RBFOX1: variants seen among roughly 807,000 people sequenced by gnomAD.
RBFOX1 encodes RNA binding fox-1 homolog 1.
RBFOX1 carries 8 observed loss-of-function variants against 57.7 expected under a neutral mutation model. The ratio of observed to expected loss-of-function variants is 0.14; its 90% CI spans 0.08 to 0.25. The LOEUF (loss-of-function observed/expected upper bound fraction) is 0.25, where lower values mean the gene tolerates loss of function less well. Ranked by LOEUF, RBFOX1 falls within the 10% of genes least tolerant of loss-of-function variation. RBFOX1 has a pLI of 1.00. For synonymous variants in RBFOX1, 326 were observed against 222.4 expected (o/e 1.47, Z -4.15); for missense variants, 611 against 548.5 (o/e 1.11, Z -1.14).
At chr16:7,196,975 C>T (rs942351939) in intron 4 of RBFOX1, among the ~76,000 whole-genome samples, 4 of 152,146 alleles carry the variant, frequency 2.6e-5, no homozygotes, top group African/African-American at 4.8e-5. Context: ...AATCTTTGCA[C>T]GCAAGTCTGG....
chr16:6,568,421 G>C (rs578070588), intron 2 of RBFOX1, among the ~76,000 whole-genome samples: 21 of 152,282 alleles, frequency 1.4e-4, no homozygotes, highest in African/African-American at 4.8e-4. Flanking sequence ...TGAGTTATGA[G>C]ACAGAGAAAG....
At chr16:5,500,171 G>C (rs2043141675) in intron 2 of RBFOX1, among the ~76,000 whole-genome samples, 4 of 88,642 alleles carry the variant, frequency 4.5e-5, no homozygotes, top group African/African-American at 1.1e-4. Flanking sequence ...CCCACTCCCT[G>C]CCTCCCTCCC....
chr16:5,528,222 C>T (rs1156346168), intron 2 of RBFOX1, among the ~76,000 whole-genome samples: 1 of 152,104 alleles, frequency 6.6e-6, no homozygotes, highest in East Asian at 1.9e-4. Flanking sequence ...TCCACAGAGG[C>T]ATTCCTTTGT....
intron 4 of RBFOX1, among the ~76,000 whole-genome samples, chr16:5,984,311 T>C (rs1047925764): frequency 8.0e-5 from 12 of 150,822 alleles, no homozygotes; most frequent in Non-Finnish European, 1.5e-4. Context: ...TTGGGGCTTA[T>C]GCTTTTAGAG....
At chr16:6,445,495 A>G (rs1031131582) in intron 2 of RBFOX1, among the ~76,000 whole-genome samples, 7 of 150,894 alleles carry the variant, frequency 4.6e-5, no homozygotes, top group African/African-American at 7.3e-5. Context: ...AAGAGCTGGT[A>G]TAGAATGAGA....
intron 3 of RBFOX1, among the ~76,000 whole-genome samples, chr16:7,051,814 C>A (rs892523813): frequency 6.6e-6 from 1 of 152,158 alleles, no homozygotes; most frequent in African/African-American, 2.4e-5. Flanking sequence ...CCCACACATA[C>A]TCCTGCACGT....
intron 2 of RBFOX1, among the ~76,000 whole-genome samples, chr16:6,428,007 G>T (rs189302494): frequency 6.6e-6 from 1 of 152,150 alleles, no homozygotes; most frequent in African/African-American, 2.4e-5. Flanking sequence ...GAGAGGCCGG[G>T]CACGGTGGCT....
chr16:6,998,181 G>C (rs1483653293), intron 3 of RBFOX1, among the ~76,000 whole-genome samples: 1 of 152,116 alleles, frequency 6.6e-6, no homozygotes. Context: ...AGCCAAAGCA[G>C]TACATTTGGT....
At chr16:6,691,108 A>G (rs1295974064) in intron 3 of RBFOX1, among the ~76,000 whole-genome samples, 1 of 152,116 alleles carries the variant, frequency 6.6e-6, no homozygotes, top group Non-Finnish European at 1.5e-5. Context: ...ATGTTGGGAA[A>G]AGTAAAAGGG....
chr16:6,702,601 C>A (rs1039031329), intron 3 of RBFOX1, among the ~76,000 whole-genome samples: 13 of 152,046 alleles, frequency 8.6e-5, no homozygotes, highest in Non-Finnish European at 4.4e-5. Context: ...CTATTCCTTC[C>A]CAAAAAGTTC....
At chr16:6,826,206 C>T (rs951196713) in intron 3 of RBFOX1, among the ~76,000 whole-genome samples, 3 of 151,982 alleles carry the variant, frequency 2.0e-5, no homozygotes, top group Non-Finnish European at 4.4e-5. Flanking sequence ...TTGAGTCAGT[C>T]GACGCATGTA....
chr16:7,217,887 TGC>T (rs1202976821), intron 4 of RBFOX1, among the ~76,000 whole-genome samples: 1 of 146,564 alleles, frequency 6.8e-6, no homozygotes, highest in African/African-American at 2.5e-5. Flanking sequence ...TGCATGTGTG[TGC>T]ATGCGTATGT....
At chr16:5,403,989 G>T (rs9931669) in intron 1 of RBFOX1, among the ~76,000 whole-genome samples, 6,959 of 151,258 alleles carry the variant, frequency 0.046, 501 homozygotes, top group African/African-American at 0.16. Flanking sequence ...CATGGGAAGG[G>T]TGGGGCTGGG....
chr16:7,195,843 G>T (rs2086569365), intron 4 of RBFOX1, among the ~76,000 whole-genome samples: 1 of 152,060 alleles, frequency 6.6e-6, no homozygotes, highest in East Asian at 1.9e-4. Flanking sequence ...ATGAACCACT[G>T]TGCCCAGCTC....
At chr16:6,847,657 C>G (rs59242080) in intron 3 of RBFOX1, among the ~76,000 whole-genome samples, 14 of 152,140 alleles carry the variant, frequency 9.2e-5, no homozygotes, top group African/African-American at 2.9e-4. Flanking sequence ...CAGTCGACCA[C>G]AGCATAACTA....
intron 4 of RBFOX1, among the ~76,000 whole-genome samples, chr16:7,146,424 A>G (rs991745473): frequency 2.0e-5 from 3 of 152,194 alleles, no homozygotes; most frequent in African/African-American, 4.8e-5. Flanking sequence ...TCGCCTACCC[A>G]GCAGCTCTGT....
intron 4 of RBFOX1, among the ~76,000 whole-genome samples, chr16:7,168,106 C>G (rs1358562653): frequency 1.3e-5 from 2 of 152,142 alleles, no homozygotes; most frequent in African/African-American, 4.8e-5. Context: ...TTAAAAGATT[C>G]AAGGAAGCAA....
At chr16:7,340,462 C>G (rs1474551020) in intron 4 of RBFOX1, among the ~76,000 whole-genome samples, 2 of 152,226 alleles carry the variant, frequency 1.3e-5, no homozygotes, top group African/African-American at 2.4e-5. Flanking sequence ...CTGGTATCTT[C>G]TCCGTTGCAC....
intron 4 of RBFOX1, among the ~76,000 whole-genome samples, chr16:5,958,853 C>G (rs1187934194): frequency 2.0e-5 from 3 of 152,164 alleles, no homozygotes; most frequent in African/African-American, 4.8e-5. Context: ...AACCTTGGTT[C>G]TCCTGGCTAC....
Sources: gnomAD v4.1 joint callset for allele counts (sites outside exome capture counted in the v4.1 genomes callset) on GRCh38, gnomAD v4.1.1 for gene constraint, MANE v1.5 for transcripts, NCBI Gene and HGNC (gene_info 2026-07-23, HGNC 2026-07-21) for gene names.